The following ATP7A variants were observed in gnomAD, a reference collection of about 807,000 sequenced individuals.
ATP7A encodes the protein copper-transporting ATPase 1.
ATP7A carries 7 observed loss-of-function variants against 83.5 expected under a neutral mutation model. That is an observed-to-expected ratio of 0.08 (90% CI 0.05 to 0.16). The LOEUF (loss-of-function observed/expected upper bound fraction) is 0.16, where lower values mean the gene tolerates loss of function less well. Among genes scored for constraint, ATP7A ranks in the 10% least tolerant of loss-of-function variants. The pLI is 1.00. For missense variants in ATP7A, 940 were observed against 1,120.8 expected (o/e 0.84, Z 2.30); for synonymous variants, 354 against 395.2 (o/e 0.90, Z 1.24).
Position 78,011,202 on chromosome X carries a change from C to A in ATP7A, c.1896C>A (p.Val632=). 8.3e-7 allele frequency: 1 copy of A among 1,209,757 alleles called. No homozygotes were observed. The highest frequency in any genetic ancestry group is 1.8e-5 in the South Asian group (1 of 56,904). ...IESLGFEASL[V]KKDRSASHLD... is the part of the protein sequence containing the mutation. ...GCTTAGGTTTTGAAGCTTCTTTGGT[C>A]AAGAAGGATCGGTCAGCAAGTCACT... is the stretch of plus-strand genomic sequence containing the variant. The change falls in exon 8 of 23, where the codon GTC becomes GTA. Residue 632 remains valine (V), a synonymous_variant. Coordinates refer to ENST00000341514, the MANE Select transcript of ATP7A (RefSeq NM_000052.7).
At chrX:78,025,834 A>G (rs2077940128) in intron 14 of ATP7A, among the ~76,000 whole-genome samples, 1 of 111,211 alleles carries the variant, frequency 9.0e-6, no homozygotes, top group African/African-American at 3.3e-5. Context: ...ATATCCTGCC[A>G]AATTAAGCTT....
rs2077996076 is a variant in ATP7A, at chrX:78,033,701, C to T, written c.3391C>T (p.His1131Tyr). 2 of 1,210,151 alleles carry T rather than the reference C, an allele frequency of 1.7e-6. No homozygotes were observed. Among genetic ancestry groups the T allele is most frequent in the Non-Finnish European group, 2.2e-6 (2 of 894,392 alleles). The stretch of plus-strand genomic sequence containing the variant: ...AGTCACCAATATTGAAGGCTTGCTA[C>T]ATAAGAATAACTGGAATATAGAGGA... The part of the protein sequence containing the change: ...CKVTNIEGLL[H>Y]KNNWNIEDNN... Residue 1131 changes from histidine (H) to tyrosine (Y), a missense_variant, in exon 17 of 23, where the codon CAT becomes TAT. His to Tyr is a moderately conservative substitution (Grantham distance 83). Around this residue, in one of 3 missense-constraint regions of ATP7A, gnomAD observed 386 missense variants for 502.2 expected, o/e 0.77. Coordinates refer to ENST00000341514, the MANE Select transcript of ATP7A (RefSeq NM_000052.7).
chrX:77,940,040 A>G (rs782625010), intron 1 of ATP7A, among the ~76,000 whole-genome samples: 4 of 110,851 alleles, frequency 3.6e-5, no homozygotes, highest in African/African-American at 1.3e-4. Flanking sequence ...GTTAAGGTTC[A>G]TATGAAAGAG....
intron 16 of ATP7A, 44 bp from the exon 17 acceptor site, chrX:78,033,561 A>G: frequency 8.7e-7 from 1 of 1,143,976 alleles, no homozygotes; most frequent in Non-Finnish European, 1.2e-6. Context: ...ATGACCTTGC[A>G]TTATCAGAAC....
chrX:78,011,540 A>G lies in ATP7A; in HGVS notation c.2038A>G (p.Thr680Ala). ...GATGGTTATGGACCACCACTTTGCA[A>G]CTCTTCACCATAATCAAAACATGAG... ...YMMVMDHHFA[T>A]LHHNQNMSKE... The change falls in exon 9 of 23, where the codon ACT becomes GCT. Residue 680 changes from threonine (T) to alanine (A), a missense_variant. Coordinates refer to ENST00000341514, the MANE Select transcript of ATP7A (RefSeq NM_000052.7). 8.3e-7 allele frequency: 1 copy of G among 1,210,181 alleles called. No homozygotes were observed. Among genetic ancestry groups the G allele is most frequent in the Non-Finnish European group, 1.1e-6 (1 of 894,673 alleles).
chrX:77,968,484 G>A lies in ATP7A; in HGVS notation c.-21-3137G>A, dbSNP rs782038018. Among the ~76,000 whole-genome samples, 12 of 111,816 alleles carry A rather than the reference G, an allele frequency of 1.1e-4. No homozygotes were observed. The East Asian group carries it at 3.4e-3, about 32-fold the overall frequency. On this transcript the variant is annotated intron_variant, in intron 1 of 22. Transcript: ENST00000341514. ...AGTGGCCTGACTGCAGAAGAGCAGA[G>A]GACAGACTCTGCTCATGGGGACAGA...
chrX:78,032,205 T>A (rs781820161), intron 16 of ATP7A, among the ~76,000 whole-genome samples: 2 of 112,211 alleles, frequency 1.8e-5, no homozygotes, highest in East Asian at 5.5e-4. Context: ...GAAATGCAGA[T>A]CTGCCTCATT....
At chrX:78,034,850 TCTC>T (rs2078003632) in intron 17 of ATP7A, among the ~76,000 whole-genome samples, 1 of 109,717 alleles carries the variant, frequency 9.1e-6, no homozygotes, top group African/African-American at 3.3e-5. Flanking sequence ...TTCAAGCAAT[TCTC>T]CTGCCTCAGC....
intron 1 of ATP7A, among the ~76,000 whole-genome samples, chrX:77,950,688 A>G (rs1272567471): frequency 2.7e-5 from 3 of 111,426 alleles, no homozygotes; most frequent in African/African-American, 6.5e-5. Flanking sequence ...TCTGGCATAT[A>G]TATTTTTTGA....
intron 1 of ATP7A, among the ~76,000 whole-genome samples, chrX:77,931,809 C>T (rs1249533517): frequency 5.4e-5 from 5 of 91,860 alleles, no homozygotes; most frequent in South Asian, 5.5e-4. Context: ...GGCGGCTGGC[C>T]GGGCGGGGGG....
rs1246736632 is a variant in ATP7A, at chrX:78,011,640, A to G, written c.2138A>G (p.Asn713Ser). 1 of 1,208,737 alleles carries G rather than the reference A, an allele frequency of 8.3e-7. No homozygotes were observed. The highest frequency in any genetic ancestry group is 1.1e-6 in the Non-Finnish European group (1 of 894,445). Residue 713 changes from asparagine to serine, a missense_variant, in exon 9 of 23, where the codon AAT becomes AGT. Coordinates refer to ENST00000341514, the MANE Select transcript of ATP7A (RefSeq NM_000052.7). Reference protein sequence around the residue: ...RQILPGLSVMNLLSFLLCVPV... With the variant: ...RQILPGLSVMSLLSFLLCVPV... The stretch of plus-strand genomic sequence containing the variant: ...ATTCTTCCAGGATTGTCTGTTATGA[A>G]TTTGCTGTCCTTTTTATTGTGTGTA...
At position 77,938,282 on chromosome X, in the gene ATP7A, G is replaced by A. The variant is rs183572456; in HGVS notation, c.-22+27447G>A. On this transcript the variant is annotated intron_variant, in intron 1 of 22. Coordinates refer to ENST00000341514, the MANE Select transcript of ATP7A (RefSeq NM_000052.7). ...ATTGTGCAAGTTAATGATAAATTTCGTGAGCATAACACCTACTTAAGTTTC... is the reference window on the plus strand; with the variant it reads ...ATTGTGCAAGTTAATGATAAATTTCATGAGCATAACACCTACTTAAGTTTC... Among the ~76,000 whole-genome samples, 107 of 112,247 alleles carry A rather than the reference G, an allele frequency of 9.5e-4. 1 individual carries two copies. Among genetic ancestry groups the A allele is most frequent in the African/African-American group, 3.4e-3 (105 of 30,963 alleles).
At chrX:78,038,343 G>T (rs1358055370) in intron 17 of ATP7A, among the ~76,000 whole-genome samples, 1 of 109,250 alleles carries the variant, frequency 9.2e-6, no homozygotes, top group Non-Finnish European at 1.9e-5. Flanking sequence ...GAGATGAGAA[G>T]GTATGAAATA....
At chrX:77,942,897 C>T (rs1382164147) in intron 1 of ATP7A, among the ~76,000 whole-genome samples, 1 of 111,884 alleles carries the variant, frequency 8.9e-6, no homozygotes, top group African/African-American at 3.3e-5. Flanking sequence ...CAAACACCAC[C>T]TCCCAGTTTC....
At chrX:78,007,852 A>G (rs1232051344) in intron 6 of ATP7A, among the ~76,000 whole-genome samples, 1 of 112,067 alleles carries the variant, frequency 8.9e-6, no homozygotes, top group East Asian at 2.8e-4. Flanking sequence ...GTTTTGATAC[A>G]GGCATGCAAT....
At chrX:77,934,461 A>C (rs782422283) in intron 1 of ATP7A, among the ~76,000 whole-genome samples, 1 of 111,565 alleles carries the variant, frequency 9.0e-6, no homozygotes, top group Non-Finnish European at 1.9e-5. Flanking sequence ...CTGCCTCATT[A>C]ACAATGGTTT....
chrX:77,954,015 C>T (rs1361704051), intron 1 of ATP7A, among the ~76,000 whole-genome samples: 1 of 112,484 alleles, frequency 8.9e-6, no homozygotes, highest in Admixed American at 9.4e-5. Flanking sequence ...CTAGGAGTCA[C>T]AAAAATGACC....
intron 1 of ATP7A, among the ~76,000 whole-genome samples, chrX:77,920,567 G>A (rs2077208294): frequency 9.0e-6 from 1 of 110,838 alleles, no homozygotes; most frequent in Non-Finnish European, 1.9e-5. Context: ...GTGGTATTTG[G>A]TTTTCTGGTC....
chrX:77,914,202 G>A lies in ATP7A; in HGVS notation c.-22+3367G>A, dbSNP rs781859777. Among the ~76,000 whole-genome samples the A allele has an allele frequency of 2.7e-5, 3 of 111,115 alleles. No individual in the cohort carries two copies. The South Asian group carries it at 1.1e-3, about 42-fold the overall frequency. On this transcript the variant is annotated intron_variant, in intron 1 of 22. Coordinates refer to ENST00000341514, the MANE Select transcript of ATP7A (RefSeq NM_000052.7). ...CTCTCAAGTAGCTGGAACCACAGGC[G>A]CATGCCACCATGCCTAGCTACTTAT...
Sources: gnomAD v4.1 joint callset for allele counts (sites outside exome capture counted in the v4.1 genomes callset) on GRCh38, gnomAD v4.1.1 for gene constraint, gnomAD v4.1.1 regional missense constraint, MANE v1.5 for transcripts, NCBI Gene and HGNC (gene_info 2026-07-23, HGNC 2026-07-21) for gene names.